The following STAG1 variants were observed in gnomAD, a reference collection of about 807,000 sequenced individuals.
The protein encoded by STAG1 is cohesin subunit SA-1.
A neutral mutation model predicts 170.9 loss-of-function variants in STAG1; 26 were observed. That is an observed-to-expected ratio of 0.15 (90% confidence interval 0.11 to 0.21). The LOEUF is 0.21. Among genes scored for constraint, STAG1 ranks in the 10% least tolerant of loss-of-function variants. The pLI is 1.00. For missense variants in STAG1, 964 were observed against 1,509.5 expected, an observed-to-expected ratio of 0.64 and a Z score of 5.99; for synonymous variants, 514 against 497.7, an observed-to-expected ratio of 1.03 and a Z score of -0.44.
chr3:136,710,429 C>T (rs1293154282), intron 1 of STAG1, among the ~76,000 whole-genome samples: 2 of 152,152 alleles, frequency 1.3e-5, no homozygotes, highest in Non-Finnish European at 2.9e-5. Context: ...TTCCAAAGCT[C>T]TGGTTCAAGT....
rs778124976 is a variant in STAG1 at position 136,443,440 on chromosome 3, T to C, written c.1429-36A>G. 2.1e-6 allele frequency: 3 copies of C among 1,398,352 alleles called. No individual in the cohort carries two copies. The Admixed American group carries it at 5.7e-5, about 27-fold the overall frequency. 86.6% of individuals were successfully genotyped at this position (1,398,352 alleles called of 1,614,324 possible). On this transcript the variant is annotated intron_variant, in intron 14 of 33. Transcript: ENST00000383202. ...AAAATCAAGTGTGACCAAAGAATATTTAATAAAGAAACTACTAATACTAAT... is the reference window on the plus strand; with the variant it reads ...AAAATCAAGTGTGACCAAAGAATATCTAATAAAGAAACTACTAATACTAAT...
At chr3:136,740,784 G>A (rs549780910) in intron 1 of STAG1, among the ~76,000 whole-genome samples, 4 of 152,176 alleles carry the variant, frequency 2.6e-5, no homozygotes, top group Non-Finnish European at 4.4e-5. Flanking sequence ...CTAGCCAAGC[G>A]TTTTCTTACA....
intron 7 of STAG1, among the ~76,000 whole-genome samples, chr3:136,503,154 T>A (rs1336504193): frequency 6.6e-6 from 1 of 152,108 alleles, no homozygotes; most frequent in Non-Finnish European, 1.5e-5. Flanking sequence ...TATAAATGCA[T>A]CCTTAGTACC....
At chr3:136,663,051 C>G (rs1941631373) in intron 1 of STAG1, among the ~76,000 whole-genome samples, 1 of 150,826 alleles carries the variant, frequency 6.6e-6, no homozygotes, top group African/African-American at 2.4e-5. Flanking sequence ...GACTCCATCT[C>G]AAATAAATAA....
chr3:136,744,447 G>A lies in STAG1; in HGVS notation c.-84+7748C>T, dbSNP rs537390375. Reference sequence around the variant, plus strand: ...TACTAACATCTTTCAGAAAATGATTGTATCAATTTACACTGCTGACAAAAG... The same window carrying A: ...TACTAACATCTTTCAGAAAATGATTATATCAATTTACACTGCTGACAAAAG... On this transcript the variant is annotated intron_variant, in intron 1 of 33. Transcript: ENST00000383202. Among the ~76,000 whole-genome samples, 13 of 152,254 alleles carry A rather than the reference G, an allele frequency of 8.5e-5. No individual in the cohort carries two copies. In the South Asian group the frequency reaches 2.7e-3, roughly 32 times the overall value.
chr3:136,601,187 A>G (rs1271562623), intron 4 of STAG1, among the ~76,000 whole-genome samples: 1 of 152,166 alleles, frequency 6.6e-6, no homozygotes, highest in South Asian at 2.1e-4. Flanking sequence ...TTAATACAAT[A>G]AAACTGGAAA....
chr3:136,751,969 C>T (rs1935279002), intron 1 of STAG1, among the ~76,000 whole-genome samples: 1 of 150,768 alleles, frequency 6.6e-6, no homozygotes, highest in Non-Finnish European at 1.5e-5. Context: ...CGCCCACAGA[C>T]GTCTCTCCGG....
At chr3:136,538,666 C>G (rs562587337) in intron 6 of STAG1, among the ~76,000 whole-genome samples, 5 of 152,158 alleles carry the variant, frequency 3.3e-5, no homozygotes, top group African/African-American at 1.2e-4. Context: ...GTGACCCACC[C>G]ACCTTGGTCT....
intron 16 of STAG1, among the ~76,000 whole-genome samples, chr3:136,430,806 G>C (rs373359085): frequency 8.3e-4 from 109 of 131,136 alleles, no homozygotes; most frequent in African/African-American, 2.5e-3. Context: ...GACATAGACA[G>C]ACACACACAC....
At chr3:136,465,451 T>A (rs2089425668) in intron 12 of STAG1, among the ~76,000 whole-genome samples, 1 of 147,448 alleles carries the variant, frequency 6.8e-6, no homozygotes, top group Admixed American at 7.1e-5. Context: ...TAACTCCTGA[T>A]CTCAGATAAT....
At chr3:136,632,980 G>A (rs1385945543) in intron 1 of STAG1, among the ~76,000 whole-genome samples, 3 of 151,978 alleles carry the variant, frequency 2.0e-5, no homozygotes, top group Non-Finnish European at 2.9e-5. Flanking sequence ...TGTCCACACA[G>A]GACAATAAAG....
chr3:136,561,212 G>C (rs1377529214), intron 5 of STAG1, among the ~76,000 whole-genome samples: 1 of 152,098 alleles, frequency 6.6e-6, no homozygotes, highest in Non-Finnish European at 1.5e-5. Context: ...CCTATAATGT[G>C]TCTCCATCTT....
At chr3:136,501,951 G>T (rs1460845770) in intron 8 of STAG1, among the ~76,000 whole-genome samples, 2 of 152,130 alleles carry the variant, frequency 1.3e-5, no homozygotes, top group Non-Finnish European at 2.9e-5. Flanking sequence ...GGAGGCCGAG[G>T]TGGGCGGATC....
Position 136,581,942 on chromosome 3 carries a change from T to C in STAG1, c.298-13081A>G, listed in dbSNP as rs116179789. The stretch of plus-strand genomic sequence containing the variant: ...ACCAAAATCTTAAAAATTATGACTA[T>C]GTGTGATACTTTCTTCTCTTCCTTT... On this transcript the variant is annotated intron_variant, in intron 4 of 33. Coordinates refer to ENST00000383202, the MANE Select transcript of STAG1 (RefSeq NM_005862.3). Among the ~76,000 whole-genome samples, 996 of 152,276 alleles carry C rather than the reference T, an allele frequency of 6.5e-3. 10 individuals carry two copies. The highest frequency in any genetic ancestry group is 0.023 in the African/African-American group (967 of 41,548).
At chr3:136,512,095 A>AG in intron 7 of STAG1, among the ~76,000 whole-genome samples, 1 of 139,186 alleles carries the variant, frequency 7.2e-6, no homozygotes, top group South Asian at 2.4e-4. Context: ...TCTCTACAAA[A>AG]TAAAAAAAAA....
At chr3:136,464,598 G>T (rs979883667) in intron 13 of STAG1, among the ~76,000 whole-genome samples, 11 of 152,072 alleles carry the variant, frequency 7.2e-5, no homozygotes, top group African/African-American at 2.7e-4. Flanking sequence ...TATCAATTAC[G>T]TTAGCTTTTA....
intron 1 of STAG1, among the ~76,000 whole-genome samples, chr3:136,683,920 T>C (rs1209843951): frequency 6.6e-6 from 1 of 152,200 alleles, no homozygotes; most frequent in Non-Finnish European, 1.5e-5. Context: ...TAAAACTCAA[T>C]ACCATTTATG....
At chr3:136,474,883 T>C (rs1465963595) in intron 10 of STAG1, among the ~76,000 whole-genome samples, 3 of 152,116 alleles carry the variant, frequency 2.0e-5, no homozygotes, top group African/African-American at 7.2e-5. Flanking sequence ...CATAGACCCC[T>C]AGGAGGTTAT....
intron 23 of STAG1, among the ~76,000 whole-genome samples, chr3:136,374,780 T>G (rs1937518633): frequency 6.6e-6 from 1 of 152,162 alleles, no homozygotes; most frequent in South Asian, 2.1e-4. Context: ...AACATTTTAA[T>G]TAATTTAGTA....
Sources: allele counts gnomAD v4.1 joint callset (sites outside exome capture counted in the v4.1 genomes callset), GRCh38; gene constraint gnomAD v4.1.1; transcripts MANE v1.5; gene names NCBI Gene and HGNC (gene_info 2026-07-23, HGNC 2026-07-21).